GSE1: variants seen among roughly 807,000 people sequenced by gnomAD.
GSE1 encodes genetic suppressor element 1.
GSE1 carries 32 observed loss-of-function variants against 112.6 expected under a neutral mutation model. That is an observed-to-expected ratio of 0.28 (90% CI 0.21 to 0.38). GSE1 has a LOEUF of 0.38. Ranked by LOEUF, GSE1 falls within the 10% of genes least tolerant of loss-of-function variation. GSE1 has a pLI of 1.00. For missense variants in GSE1, 2,348 were observed against 1,699.2 expected (o/e 1.38, Z -6.71); for synonymous variants, 1,115 against 735.6 (o/e 1.52, Z -8.35).
intron 1 of GSE1, among the ~76,000 whole-genome samples, chr16:85,591,353 G>A (rs551585383): frequency 6.6e-6 from 1 of 152,324 alleles, no homozygotes; most frequent in Admixed American, 6.5e-5. Flanking sequence ...AGAACTGAGG[G>A]CCCCAACTCA....
At chr16:85,519,824 G>A (rs2052119841) in intron 2 of GSE1, among the ~76,000 whole-genome samples, 1 of 152,180 alleles carries the variant, frequency 6.6e-6, no homozygotes, top group Non-Finnish European at 1.5e-5. Context: ...GTCATTCATG[G>A]CTAAGGAGTC....
At chr16:85,276,736 G>C (rs1211775770) in intron 1 of GSE1, among the ~76,000 whole-genome samples, 1 of 152,174 alleles carries the variant, frequency 6.6e-6, no homozygotes, top group African/African-American at 2.4e-5. Context: ...GGAGGTGTGT[G>C]GGGTGGGACC....
intron 2 of GSE1, among the ~76,000 whole-genome samples, chr16:85,466,879 G>A (rs1295510656): frequency 6.6e-6 from 1 of 152,110 alleles, no homozygotes; most frequent in Non-Finnish European, 1.5e-5. Flanking sequence ...GGCCGAAATG[G>A]CGAAGCCTCA....
At chr16:85,549,292 A>C (rs186876464) in intron 2 of GSE1, among the ~76,000 whole-genome samples, 1 of 151,914 alleles carries the variant, frequency 6.6e-6, no homozygotes, top group African/African-American at 2.4e-5. Context: ...CTGCTGCCTC[A>C]GCTTCCCATG....
intron 2 of GSE1, among the ~76,000 whole-genome samples, chr16:85,474,686 C>G (rs1193382779): frequency 7.1e-6 from 1 of 141,092 alleles, no homozygotes; most frequent in Non-Finnish European, 1.5e-5. Context: ...TTTGTTTCCT[C>G]TTTCCCTGTG....
At chr16:85,273,468 C>T (rs971099685) in intron 1 of GSE1, among the ~76,000 whole-genome samples, 3 of 152,188 alleles carry the variant, frequency 2.0e-5, no homozygotes, top group Non-Finnish European at 4.4e-5. Flanking sequence ...GAATATTACT[C>T]AGCCATAAAA....
intron 2 of GSE1, among the ~76,000 whole-genome samples, chr16:85,473,084 C>T (rs539311786): frequency 6.6e-6 from 1 of 152,346 alleles, no homozygotes; most frequent in East Asian, 1.9e-4. Flanking sequence ...GGAGGCCTCT[C>T]GAGGGAGGAC....
intron 2 of GSE1, among the ~76,000 whole-genome samples, chr16:85,415,586 A>G (rs1284021528): frequency 6.6e-6 from 1 of 152,226 alleles, no homozygotes; most frequent in African/African-American, 2.4e-5. Flanking sequence ...GCCCCGAGCA[A>G]ACCCTTCTAC....
At chr16:85,371,467 T>C (rs2047299816) in intron 2 of GSE1, among the ~76,000 whole-genome samples, 1 of 152,162 alleles carries the variant, frequency 6.6e-6, no homozygotes, top group Non-Finnish European at 1.5e-5. Context: ...GCATGAGTGC[T>C]GGCCCAGGGG....
At chr16:85,201,276 G>A (rs1242283114) in intron 1 of GSE1, among the ~76,000 whole-genome samples, 1 of 151,330 alleles carries the variant, frequency 6.6e-6, no homozygotes, top group Non-Finnish European at 1.5e-5. Context: ...TCCCTGTGTT[G>A]CTCAGGCTGA....
Position 85,440,518 on chromosome 16 carries a change from A to C in GSE1, c.2464+82875A>C, listed in dbSNP as rs377276058. 3.3e-5 allele frequency among the ~76,000 whole-genome samples: 5 copies of C among 152,060 alleles called. No individual in the cohort carries two copies. In the East Asian group the frequency reaches 9.6e-4, roughly 29 times the overall value. ...CAGTCCTAAACATCGTCTTTCTCACACCCACCCCAGAATGAGGACTCGGCT... is the reference window on the plus strand; with the variant it reads ...CAGTCCTAAACATCGTCTTTCTCACCCCCACCCCAGAATGAGGACTCGGCT... On this transcript the variant is annotated intron_variant, in intron 2 of 2. Transcript: ENST00000637419.
At chr16:85,222,041 AGCCTGGGGTACGCAGGCCCAGG>A (rs1407452489) in intron 1 of GSE1, among the ~76,000 whole-genome samples, 1 of 152,030 alleles carries the variant, frequency 6.6e-6, no homozygotes, top group Non-Finnish European at 1.5e-5. Flanking sequence ...GTCTGCTGGG[AGCCTGGGGTACGCAGGCCCAGG>A]GCCTGGGGAA....
intron 2 of GSE1, among the ~76,000 whole-genome samples, chr16:85,525,981 G>T (rs978290414): frequency 6.6e-6 from 1 of 152,178 alleles, no homozygotes; most frequent in Non-Finnish European, 1.5e-5. Flanking sequence ...CTCTGCCGGG[G>T]TAGAAAGGCA....
intron 2 of GSE1, among the ~76,000 whole-genome samples, chr16:85,388,559 A>G (rs1214954103): frequency 7.8e-4 from 51 of 65,082 alleles, no homozygotes; most frequent in Middle Eastern, 0.012. Context: ...CAGATGGATG[A>G]GTGGGTAGAT....
chr16:85,339,971 T>A (rs1259491420), intron 1 of GSE1, among the ~76,000 whole-genome samples: 2 of 152,204 alleles, frequency 1.3e-5, no homozygotes, highest in African/African-American at 4.8e-5. Context: ...AATTTAAAAT[T>A]CACTAACAGG....
At chr16:85,526,312 G>A (rs545147082) in intron 2 of GSE1, among the ~76,000 whole-genome samples, 3 of 152,378 alleles carry the variant, frequency 2.0e-5, no homozygotes, top group Admixed American at 1.3e-4. Flanking sequence ...GTGATGGGGC[G>A]TGCAAGGCAA....
At chr16:85,474,132 G>A (rs2050378825) in intron 2 of GSE1, among the ~76,000 whole-genome samples, 2 of 152,132 alleles carry the variant, frequency 1.3e-5, no homozygotes, top group African/African-American at 4.8e-5. Context: ...CGGAAGCAGG[G>A]ATGGCAGTGA....
chr16:85,572,557 C>T (rs1022421978), intron 1 of GSE1, among the ~76,000 whole-genome samples: 19 of 152,078 alleles, frequency 1.2e-4, no homozygotes, highest in African/African-American at 2.9e-4. Context: ...ACACACAACA[C>T]GACATACACA....
intron 1 of GSE1, among the ~76,000 whole-genome samples, chr16:85,620,989 G>C (rs924318263): frequency 3.3e-5 from 5 of 151,652 alleles, no homozygotes; most frequent in African/African-American, 1.2e-4. Context: ...CTCGGCCCGG[G>C]GTCTCTGCTG....
Sources: allele counts gnomAD v4.1 joint callset (sites outside exome capture counted in the v4.1 genomes callset), GRCh38; gene constraint gnomAD v4.1.1; transcripts MANE v1.5; gene names NCBI Gene and HGNC (gene_info 2026-07-23, HGNC 2026-07-21).